DNAJC10: variants seen among roughly 807,000 people sequenced by gnomAD.
DNAJC10 encodes the protein endoplasmic reticulum disulfide reductase DNAJC10.
A neutral mutation model predicts 115.0 loss-of-function variants in DNAJC10; 101 were observed. That is an observed-to-expected ratio of 0.88 (90% confidence interval 0.75 to 1.04). The LOEUF (loss-of-function observed/expected upper bound fraction) is 1.04. Ranked by LOEUF, DNAJC10 falls within the 50% of genes least tolerant of loss-of-function variation. DNAJC10 has a pLI of 0.00. For synonymous variants in DNAJC10, 307 were observed against 301.5 expected, an observed-to-expected ratio of 1.02 and a Z score of -0.19; for missense variants, 981 against 928.8, an observed-to-expected ratio of 1.06 and a Z score of -0.73.
At chr2:182,735,054 T>C (rs895899099) in intron 10 of DNAJC10, among the ~76,000 whole-genome samples, 1 of 151,758 alleles carries the variant, frequency 6.6e-6, no homozygotes, top group African/African-American at 2.4e-5. Context: ...GGCCCTATGC[T>C]TACCATCTTG....
At chr2:182,728,553 G>A in intron 5 of DNAJC10, 23 bp from the exon 6 acceptor site, 10 of 1,541,056 alleles carry the variant, frequency 6.5e-6, no homozygotes, top group Non-Finnish European at 8.9e-6. Flanking sequence ...ATTCTAAGTT[G>A]TTTGCATTTT....
intron 11 of DNAJC10, among the ~76,000 whole-genome samples, chr2:182,736,974 TCCTGAC>T (rs1175850329): frequency 6.6e-6 from 1 of 152,216 alleles, no homozygotes; most frequent in Non-Finnish European, 1.5e-5. Flanking sequence ...GGTCTTGAAC[TCCTGAC>T]CTCAGATGAT....
rs1368195270 is a variant in DNAJC10, at chr2:182,789,015, A to G, written c.*11883A>G. The G allele has an allele frequency of 3.7e-6, 1 of 268,712 alleles. No homozygotes were observed. The highest frequency in any genetic ancestry group is 7.3e-6 in the Non-Finnish European group (1 of 137,654). 16.6% of individuals were successfully genotyped at this position (268,712 alleles called of 1,614,324 possible). On this transcript the variant is annotated 3_prime_UTR_variant, in exon 24 of 24. Coordinates refer to ENST00000264065, the MANE Select transcript of DNAJC10 (RefSeq NM_018981.4). The stretch of plus-strand genomic sequence containing the variant: ...TTGTTCAACCCATCTCCGTGACTTT[A>G]TCTTGCAAAACTGAAATTTTATATC...
At chr2:182,771,790 A>AT (rs1324865069) in intron 22 of DNAJC10, among the ~76,000 whole-genome samples, 12 of 152,062 alleles carry the variant, frequency 7.9e-5, no homozygotes, top group East Asian at 1.9e-4. Flanking sequence ...AGATTCATTG[A>AT]TTTTTTGAAG....
chr2:182,761,097 G>A (rs1429405283), intron 21 of DNAJC10, among the ~76,000 whole-genome samples: 2 of 151,866 alleles, frequency 1.3e-5, no homozygotes, highest in African/African-American at 2.4e-5. Context: ...TGAAAGAAAA[G>A]GAAGATGAAA....
intron 8 of DNAJC10, chr2:182,730,626 G>C: frequency 2.3e-6 from 1 of 434,046 alleles, no homozygotes; most frequent in African/African-American, 2.0e-5. Context: ...TATCCAATCT[G>C]TCATGAAAAT....
In DNAJC10 at chr2:182,787,507, G is replaced by A. The variant is rs1045797623; in HGVS notation, c.*10375G>A. ...CCAAAGCCACAGACTTTAAGTCTTTGCAGGATTACCACTGAAAGTTCACAT... is the reference window on the plus strand; with the variant it reads ...CCAAAGCCACAGACTTTAAGTCTTTACAGGATTACCACTGAAAGTTCACAT... On this transcript the variant is annotated 3_prime_UTR_variant, in exon 24 of 24. Coordinates refer to ENST00000264065, the MANE Select transcript of DNAJC10 (RefSeq NM_018981.4). 1 of 152,310 alleles carries A rather than the reference G, an allele frequency of 6.6e-6. No homozygotes were observed. Among genetic ancestry groups the A allele is most frequent in the African/African-American group, 2.4e-5 (1 of 41,574 alleles). The allele number at this position is 152,310 out of a possible 1,614,324, so 9.4% of individuals were successfully genotyped here.
rs978760244 is a variant in DNAJC10 at position 182,779,552 on chromosome 2, C to T, written c.*2420C>T. ...TTGGGCTCAGGATTTTGAATCCAGC[C>T]TGGGCAACATAGCAAGACCCCATCT... On this transcript the variant is annotated 3_prime_UTR_variant, in exon 24 of 24. Coordinates refer to ENST00000264065, the MANE Select transcript of DNAJC10 (RefSeq NM_018981.4). 1.3e-5 allele frequency: 2 copies of T among 152,110 alleles called. No individual in the cohort carries two copies. The highest frequency in any genetic ancestry group is 2.9e-5 in the Non-Finnish European group (2 of 68,050). 9.4% of individuals were successfully genotyped at this position (152,110 alleles called of 1,614,324 possible). A position where few individuals can be genotyped will look rare whatever the true frequency, so the allele number is the denominator to read the frequency against.
chr2:182,775,456 T>G (rs764452004), intron 23 of DNAJC10, 36 bp downstream of exon 23: 2 of 1,434,586 alleles, frequency 1.4e-6, no homozygotes, highest in East Asian at 2.3e-5. Context: ...TTGGCAAAAG[T>G]TGGCAAAAGT....
intron 21 of DNAJC10, among the ~76,000 whole-genome samples, chr2:182,761,432 A>G (rs1466488378): frequency 2.0e-5 from 3 of 152,172 alleles, no homozygotes; most frequent in Non-Finnish European, 4.4e-5. Flanking sequence ...GCCCTAACAC[A>G]AGTTAGTCTG....
At chr2:182,751,130 C>CTT (rs773393648) in intron 14 of DNAJC10, among the ~76,000 whole-genome samples, 36,788 of 85,142 alleles carry the variant, frequency 0.43, 11,141 homozygotes, top group Non-Finnish European at 0.56. Context: ...GAGATTTTGA[C>CTT]TTTTTTTTTT....
rs991480684 is a variant in DNAJC10 at position 182,789,646 on chromosome 2, T to G, written c.*12514T>G. 1.3e-5 allele frequency: 2 copies of G among 152,244 alleles called. No homozygotes were observed. Among genetic ancestry groups the G allele is most frequent in the Non-Finnish European group, 2.9e-5 (2 of 68,048 alleles). 9.4% of individuals were successfully genotyped at this position (152,244 alleles called of 1,614,324 possible). ...CAAATAATGCTGCTATAAACATGGG[T>G]GTACAAATATCAGAAACCCTGCTTT... On this transcript the variant is annotated 3_prime_UTR_variant, in exon 24 of 24. Coordinates refer to ENST00000264065, the MANE Select transcript of DNAJC10 (RefSeq NM_018981.4).
intron 22 of DNAJC10, among the ~76,000 whole-genome samples, chr2:182,769,766 AG>A (rs1270651767): frequency 6.6e-6 from 1 of 152,008 alleles, no homozygotes; most frequent in Non-Finnish European, 1.5e-5. Context: ...CCCATTCTGT[AG>A]GTTGCCTTTC....
In DNAJC10 at chr2:182,783,886, C is replaced by A. The variant is rs1694899433; in HGVS notation, c.*6754C>A. The A allele has an allele frequency of 6.6e-6, 1 of 151,914 alleles. No homozygotes were observed. The highest frequency in any genetic ancestry group is 2.1e-4 in the South Asian group (1 of 4,802). 9.4% of individuals were successfully genotyped at this position (151,914 alleles called of 1,614,324 possible). ...ATGAATAACATGATCTATCAAAAGG[C>A]CTATAATCTCAATCTTCATGTTAAG... is the stretch of plus-strand genomic sequence containing the variant. On this transcript the variant is annotated 3_prime_UTR_variant, in exon 24 of 24. Transcript: ENST00000264065.
In DNAJC10 at chr2:182,739,163, GATAT is replaced by G. The variant is rs148212851; in HGVS notation, c.988-1122_988-1119del. ...CATATAGACCTCTAAGAATGTTTAT[GATAT>G]ATATATATATATAGTATATATCATA... On this transcript the variant is annotated intron_variant, in intron 11 of 23. Transcript: ENST00000264065. 5.7e-3 allele frequency among the ~76,000 whole-genome samples: 785 copies of G among 137,080 alleles called. 5 individuals are homozygous for G. The highest frequency in any genetic ancestry group is 6.2e-3 in the Non-Finnish European group (407 of 65,870). 89.9% of individuals were successfully genotyped at this position (137,080 alleles called of 152,430 possible).
rs1695104260 is a variant in DNAJC10 at position 182,794,290 on chromosome 2, C to G, written c.*17158C>G. The G allele has an allele frequency of 1.3e-5, 2 of 152,118 alleles. No individual in the cohort carries two copies. Among genetic ancestry groups the G allele is most frequent in the Admixed American group, 6.6e-5 (1 of 15,264 alleles). The allele number at this position is 152,118 out of a possible 1,614,324, so 9.4% of individuals were successfully genotyped here. ...CAGAAAAATTTGAGTACATAGGAAA[C>G]AATAGATGAAGGATAGAAATAATCC... On this transcript the variant is annotated 3_prime_UTR_variant, in exon 24 of 24. Coordinates refer to ENST00000264065, the MANE Select transcript of DNAJC10 (RefSeq NM_018981.4).
chr2:182,719,942 A>G, intron 3 of DNAJC10, 65 bp from the exon 4 acceptor site: 1 of 960,630 alleles, frequency 1.0e-6, no homozygotes. Flanking sequence ...ACCTACATAT[A>G]TGTTTTGAAG....
chr2:182,752,169 AT>A lies in DNAJC10; in HGVS notation c.1533del (p.His511GlnfsTer40). The A allele has an allele frequency of 4.5e-6, 7 of 1,571,990 alleles. No homozygotes were observed. Among genetic ancestry groups the A allele is most frequent in the Non-Finnish European group, 6.1e-6 (7 of 1,153,302 alleles). On this transcript the variant is annotated frameshift_variant, in exon 16 of 24. Transcript: ENST00000264065. LOFTEE classifies it high-confidence loss of function. ...LKFGTLDCTV[H>X]EGLCNMYNIQ... ...TTTGGTACACTAGATTGTACAGTTC[AT>A]GAGGGACTCTGTAACATGGTAAGGC...
chr2:182,764,979 C>T (rs1322217403), intron 22 of DNAJC10, among the ~76,000 whole-genome samples: 1 of 152,134 alleles, frequency 6.6e-6, no homozygotes, highest in African/African-American at 2.4e-5. Flanking sequence ...CATTATCAAA[C>T]AGAGGCTCTT....
Sources: gnomAD v4.1 joint callset for allele counts (sites outside exome capture counted in the v4.1 genomes callset) on GRCh38, gnomAD v4.1.1 for gene constraint, MANE v1.5 for transcripts, NCBI Gene and HGNC (gene_info 2026-07-23, HGNC 2026-07-21) for gene names.